SPTBN1: variants seen among roughly 807,000 people sequenced by gnomAD.
SPTBN1 encodes spectrin beta, non-erythrocytic 1.
Under a neutral mutation model 266.4 loss-of-function variants are expected in SPTBN1, and 32 were observed. The ratio of observed to expected loss-of-function variants is 0.12; its 90% CI spans 0.09 to 0.16. The LOEUF (loss-of-function observed/expected upper bound fraction) is 0.16. SPTBN1 is among the 10% of genes least tolerant of loss of function. The pLI, the probability that SPTBN1 is intolerant of heterozygous loss-of-function variation, is 1.00. For synonymous variants in SPTBN1, 1,336 were observed against 1,162.2 expected, an observed-to-expected ratio of 1.15 and a Z score of -3.04; for missense variants, 2,296 against 3,067.1, an observed-to-expected ratio of 0.75 and a Z score of 5.94.
At chr2:54,524,609 A>G (rs1446604555) in intron 1 of SPTBN1, among the ~76,000 whole-genome samples, 1 of 152,128 alleles carries the variant, frequency 6.6e-6, no homozygotes, top group Non-Finnish European at 1.5e-5. Context: ...GCCGCCTAGA[A>G]TCTGTTTTCC....
At position 54,645,901 on chromosome 2, in the gene SPTBN1, T is replaced by A. The variant is rs760158483; in HGVS notation, c.4495-27T>A. 6.2e-7 allele frequency: 1 copy of A among 1,612,138 alleles called. No homozygotes were observed. Among genetic ancestry groups the A allele is most frequent in the African/African-American group, 1.3e-5 (1 of 75,022 alleles). Reference sequence around the variant, plus strand: ...GTATATTTGTTCCTCTGAGTGGATCTGACCACTTATTTAAAATTCTTCCCA... The same window carrying A: ...GTATATTTGTTCCTCTGAGTGGATCAGACCACTTATTTAAAATTCTTCCCA... On this transcript the variant is annotated intron_variant, in intron 21 of 35. Coordinates refer to ENST00000356805, the MANE Select transcript of SPTBN1 (RefSeq NM_003128.3). The surrounding 1 kb of genome is among the most constrained non-coding windows in gnomAD (Gnocchi z 4.3).
At chr2:54,623,449 T>G in intron 9 of SPTBN1, 30 bp from the exon 10 acceptor site, 1 of 1,604,756 alleles carries the variant, frequency 6.2e-7, no homozygotes, top group Non-Finnish European at 8.5e-7. Context: ...TTTTCTCCAG[T>G]ACCAAATGAA....
intron 24 of SPTBN1, 101 bp from the exon 25 acceptor site, chr2:54,648,885 T>G (rs1270885319): frequency 9.3e-7 from 1 of 1,075,456 alleles, no homozygotes; most frequent in Non-Finnish European, 1.3e-6. Flanking sequence ...AGAAATATGA[T>G]GTAATATGCT....
At chr2:54,635,662 A>G (rs1271092654) in intron 17 of SPTBN1, among the ~76,000 whole-genome samples, 1 of 152,180 alleles carries the variant, frequency 6.6e-6, no homozygotes, top group Non-Finnish European at 1.5e-5. Context: ...TCCTGTTGTT[A>G]ATTTCCAGTA....
intron 2 of SPTBN1, among the ~76,000 whole-genome samples, chr2:54,589,051 A>G (rs757587719): frequency 5.3e-5 from 8 of 152,178 alleles, no homozygotes; most frequent in Non-Finnish European, 1.0e-4. Context: ...CCATCCCCTC[A>G]AGCATTTATC....
chr2:54,581,282 A>T (rs899431258), intron 2 of SPTBN1, among the ~76,000 whole-genome samples: 7 of 152,156 alleles, frequency 4.6e-5, no homozygotes, highest in African/African-American at 1.4e-4. Context: ...CATAATCATC[A>T]AGTACTTCTC....
At position 54,625,974 on chromosome 2, in the gene SPTBN1, A is replaced by G; in HGVS notation, c.1384A>G (p.Lys462Glu). Residue 462 changes from lysine (K) to glutamate (E), a missense_variant, in exon 12 of 36, where the codon AAA becomes GAA. Around this residue, in one of 12 missense-constraint regions of SPTBN1, gnomAD observed 6 missense variants for 31.5 expected, o/e 0.19. Transcript: ENST00000356805. ...FDLPAVEAAT[K>E]KHEAIETDIA... ...CCTTCCTGCAGTTGAGGCCGCCACA[A>G]AAAAGCACGAGGCCATTGAGACAGA... 6.2e-7 allele frequency: 1 copy of G among 1,614,128 alleles called. No individual in the cohort carries two copies. The highest frequency in any genetic ancestry group is 8.5e-7 in the Non-Finnish European group (1 of 1,179,950).
intron 2 of SPTBN1, among the ~76,000 whole-genome samples, chr2:54,553,151 T>C (rs1472685061): frequency 6.6e-6 from 1 of 152,160 alleles, no homozygotes; most frequent in East Asian, 1.9e-4. Flanking sequence ...GTTGGTTGAG[T>C]TTTCTGGTTA....
chr2:54,619,622 G>A (rs1362768338), intron 7 of SPTBN1, among the ~76,000 whole-genome samples: 1 of 152,044 alleles, frequency 6.6e-6, no homozygotes, highest in African/African-American at 2.4e-5. Flanking sequence ...AAATCTACTT[G>A]TAGACAAGTT....
At chr2:54,483,743 G>T (rs1402841565) in intron 1 of SPTBN1, among the ~76,000 whole-genome samples, 1 of 152,186 alleles carries the variant, frequency 6.6e-6, no homozygotes, top group East Asian at 1.9e-4. Flanking sequence ...ACCCCCAGTG[G>T]CTTCACAGGG....
At chr2:54,490,303 C>T (rs1017424113) in intron 1 of SPTBN1, among the ~76,000 whole-genome samples, 1 of 152,122 alleles carries the variant, frequency 6.6e-6, no homozygotes, top group East Asian at 1.9e-4. Flanking sequence ...AACTCCTGAC[C>T]TCAGGTGATC....
At position 54,522,697 on chromosome 2, in the gene SPTBN1, G is replaced by GAAAGAGAAAGAAAGAAAGAA. The variant is rs1484752073; in HGVS notation, c.-47-3674_-47-3673insAAGAGAAAGAAAGAAAGAAA. On this transcript the variant is annotated intron_variant, in intron 1 of 35. Coordinates refer to ENST00000356805, the MANE Select transcript of SPTBN1 (RefSeq NM_003128.3). ...GAGAGAGGAGAGAGAGAGAGAGAGA[G>GAAAGAGAAAGAAAGAAAGAA]AGAAAGAAAGAAAGGAAAGAAAGAA... Among the ~76,000 whole-genome samples, 353 of 97,310 alleles carry GAAAGAGAAAGAAAGAAAGAA rather than the reference G, an allele frequency of 3.6e-3. 3 individuals carry two copies. The highest frequency in any genetic ancestry group is 0.014 in the African/African-American group (338 of 24,174). The allele number at this position is 97,310 out of a possible 152,430, so 63.8% of individuals were successfully genotyped here. A position where few individuals can be genotyped will look rare whatever the true frequency, so the allele number is the denominator to read the frequency against.
At chr2:54,538,749 C>T (rs1408044005) in intron 2 of SPTBN1, among the ~76,000 whole-genome samples, 1 of 152,182 alleles carries the variant, frequency 6.6e-6, no homozygotes, top group East Asian at 1.9e-4. Context: ...TTTTGCCATT[C>T]AGGTTTAAAT....
intron 4 of SPTBN1, among the ~76,000 whole-genome samples, chr2:54,615,180 A>C (rs11902659): frequency 6.6e-6 from 1 of 152,230 alleles, no homozygotes; most frequent in East Asian, 1.9e-4. Flanking sequence ...TGTTTTTCCT[A>C]GTTGAAAGTT....
At chr2:54,497,160 G>C (rs1002729931) in intron 1 of SPTBN1, among the ~76,000 whole-genome samples, 2 of 152,158 alleles carry the variant, frequency 1.3e-5, no homozygotes, top group African/African-American at 2.4e-5. Context: ...CTTTTTTACC[G>C]TAAGACCAGA....
chr2:54,624,890 C>T lies in SPTBN1; in HGVS notation c.1269C>T (p.Leu423=), dbSNP rs945044593. The T allele has an allele frequency of 1.2e-5, 20 of 1,614,052 alleles. No homozygotes were observed. The highest frequency in any genetic ancestry group is 1.6e-4 in the Middle Eastern group (1 of 6,062). The change falls in exon 11 of 36, where the codon CTC becomes CTT. Residue 423 remains leucine, a synonymous_variant. Coordinates refer to ENST00000356805, the MANE Select transcript of SPTBN1 (RefSeq NM_003128.3). The part of the protein sequence containing the change: ...ELIRQEKLEQ[L]ARRFDRKAAM... ...TAAGACAGGAGAAACTGGAACAGCTCGCCCGCAGATTTGATCGCAAGGCAG... is the reference window on the plus strand; with the variant it reads ...TAAGACAGGAGAAACTGGAACAGCTTGCCCGCAGATTTGATCGCAAGGCAG...
chr2:54,609,063 G>A (rs1677045288), intron 3 of SPTBN1, among the ~76,000 whole-genome samples: 1 of 152,194 alleles, frequency 6.6e-6, no homozygotes, highest in Non-Finnish European at 1.5e-5. Context: ...TGTAGTAGAA[G>A]TGGAGGAGGT....
At chr2:54,651,315 A>G (rs1007187701) in intron 26 of SPTBN1, among the ~76,000 whole-genome samples, 1 of 152,196 alleles carries the variant, frequency 6.6e-6, no homozygotes, top group Non-Finnish European at 1.5e-5. Flanking sequence ...CGGAACATCC[A>G]GGGTGGGAAT....
rs186040021 is a variant in SPTBN1 at position 54,487,917 on chromosome 2, C to G, written c.-48+31399C>G. Among the ~76,000 whole-genome samples, 942 of 139,968 alleles carry G rather than the reference C, an allele frequency of 6.7e-3. 3 individuals are homozygous for G. The highest frequency in any genetic ancestry group is 0.011 in the Non-Finnish European group (706 of 66,384). 91.8% of individuals were successfully genotyped at this position (139,968 alleles called of 152,430 possible). ...CGATCTCAGCTCACTGCAAGCTCCG[C>G]CTCCCAGGTTCACGCCATTCTCCTG... On this transcript the variant is annotated intron_variant, in intron 1 of 35. Coordinates refer to ENST00000356805, the MANE Select transcript of SPTBN1 (RefSeq NM_003128.3).
Sources: gnomAD v4.1 joint callset for allele counts (sites outside exome capture counted in the v4.1 genomes callset) on GRCh38, gnomAD v4.1.1 for gene constraint, gnomAD v4.1.1 regional missense constraint, Gnocchi (gnomAD v3.1) non-coding constraint, MANE v1.5 for transcripts, NCBI Gene and HGNC (gene_info 2026-07-23, HGNC 2026-07-21) for gene names.